MCPH1: variants seen among roughly 807,000 people sequenced by gnomAD.
MCPH1 encodes microcephalin 1.
In MCPH1, 104 loss-of-function variants were observed where a neutral mutation model predicts 84.5. The ratio of observed to expected loss-of-function variants is 1.23; its 90% CI spans 1.05 to 1.45. The LOEUF (loss-of-function observed/expected upper bound fraction) is 1.45. MCPH1 is among the 40% of genes most tolerant of loss of function. MCPH1 has a pLI of 0.00. For missense variants in MCPH1, 1,498 were observed against 1,005.7 expected, an observed-to-expected ratio of 1.49 and a Z score of -6.62; for synonymous variants, 514 against 366.8, an observed-to-expected ratio of 1.40 and a Z score of -4.58.
intron 12 of MCPH1, chr8:6,520,036 A>G: frequency 1.2e-6 from 2 of 1,600,952 alleles, no homozygotes; most frequent in Non-Finnish European, 1.7e-6. Flanking sequence ...GTTCATGAAA[A>G]GACAAAGACT....
intron 13 of MCPH1, among the ~76,000 whole-genome samples, chr8:6,641,312 C>G (rs1215138316): frequency 6.6e-6 from 1 of 152,142 alleles, no homozygotes; most frequent in African/African-American, 2.4e-5. Flanking sequence ...ACAAATGTGG[C>G]TGAATGACTT....
At chr8:6,551,105 G>T (rs1282994993) in intron 12 of MCPH1, among the ~76,000 whole-genome samples, 1 of 152,186 alleles carries the variant, frequency 6.6e-6, no homozygotes, top group Non-Finnish European at 1.5e-5. Flanking sequence ...ACCTTCCACG[G>T]CTCCTGGGCC....
chr8:6,612,609 G>T (rs372525071), intron 12 of MCPH1, among the ~76,000 whole-genome samples: 2 of 152,228 alleles, frequency 1.3e-5, no homozygotes, highest in Admixed American at 6.5e-5. Flanking sequence ...CGCTGGTTGC[G>T]GGCCTGCTCC....
Position 6,458,791 on chromosome 8 carries a change from C to G in MCPH1, c.1935+3539C>G, listed in dbSNP as rs549298689. On this transcript the variant is annotated intron_variant, in intron 9 of 13. Transcript: ENST00000344683. Reference sequence around the variant, plus strand: ...TCCTTAGTAGCTGGAACCACAGGCACCCGCCAGCACGCCTGGCTAATTTTT... The same window carrying G: ...TCCTTAGTAGCTGGAACCACAGGCAGCCGCCAGCACGCCTGGCTAATTTTT... Among the ~76,000 whole-genome samples the G allele has an allele frequency of 2.6e-5, 4 of 152,178 alleles. No individual in the cohort carries two copies. The East Asian group carries it at 7.8e-4, about 30-fold the overall frequency.
At chr8:6,490,109 T>G (rs1411852888) in intron 11 of MCPH1, among the ~76,000 whole-genome samples, 1 of 152,080 alleles carries the variant, frequency 6.6e-6, no homozygotes, top group African/African-American at 2.4e-5. Flanking sequence ...CTCCAGGACG[T>G]CAACTTGGTC....
intron 9 of MCPH1, among the ~76,000 whole-genome samples, chr8:6,458,105 C>G (rs1805892702): frequency 1.3e-5 from 2 of 152,164 alleles, no homozygotes; most frequent in African/African-American, 4.8e-5. Flanking sequence ...GAAGAAGTTT[C>G]ATTTCTTTAT....
At chr8:6,467,540 T>C (rs1807133073) in intron 9 of MCPH1, among the ~76,000 whole-genome samples, 1 of 152,186 alleles carries the variant, frequency 6.6e-6, no homozygotes, top group Non-Finnish European at 1.5e-5. Context: ...CGAGGGACCA[T>C]GGATAGGAAA....
intron 9 of MCPH1, among the ~76,000 whole-genome samples, chr8:6,468,078 T>C (rs1243862744): frequency 6.6e-6 from 1 of 152,186 alleles, no homozygotes. Flanking sequence ...GCCCTACACC[T>C]TAGCTTAAGC....
At chr8:6,505,239 A>AAT (rs3990064) in intron 12 of MCPH1, among the ~76,000 whole-genome samples, 929 of 60,702 alleles carry the variant, frequency 0.015, 162 homozygotes, top group African/African-American at 0.055. Flanking sequence ...GTATATATAG[A>AAT]ATATATATTC....
chr8:6,500,937 C>G (rs1812052083), intron 12 of MCPH1: 1 of 152,178 alleles, frequency 6.6e-6, no homozygotes, highest in African/African-American at 2.4e-5. Context: ...ATTAGCGTTT[C>G]CCTACCTAAG....
At position 6,491,069 on chromosome 8, in the gene MCPH1, T is replaced by G. The variant is rs1810514869; in HGVS notation, c.2137-8783T>G. Among the ~76,000 whole-genome samples the G allele has an allele frequency of 2.0e-5, 3 of 150,672 alleles. No homozygotes were observed. The South Asian group carries it at 6.2e-4, about 31-fold the overall frequency. On this transcript the variant is annotated intron_variant, in intron 11 of 13. Transcript: ENST00000344683. The stretch of plus-strand genomic sequence containing the variant: ...AAAATAAAATTTATCAAAAAAAATT[T>G]TTTTTTTACTTTTGAAGCATTGGTT...
intron 13 of MCPH1, among the ~76,000 whole-genome samples, chr8:6,639,635 T>A (rs933041641): frequency 2.0e-5 from 3 of 151,274 alleles, no homozygotes; most frequent in Non-Finnish European, 4.4e-5. Flanking sequence ...TGCACTCCAG[T>A]CTGGGCAATG....
At chr8:6,635,816 G>A (rs981084708) in intron 13 of MCPH1, among the ~76,000 whole-genome samples, 6 of 152,116 alleles carry the variant, frequency 3.9e-5, no homozygotes, top group East Asian at 1.9e-4. Flanking sequence ...GCCGTGTCCC[G>A]TAAGCTTTGA....
chr8:6,449,450 A>C (rs1009314337), intron 8 of MCPH1, among the ~76,000 whole-genome samples: 2 of 152,124 alleles, frequency 1.3e-5, no homozygotes, highest in Non-Finnish European at 2.9e-5. Flanking sequence ...CCTGACCAAC[A>C]TAGTGAAACC....
chr8:6,436,804 C>T (rs1036250608), intron 5 of MCPH1, among the ~76,000 whole-genome samples: 6 of 151,852 alleles, frequency 4.0e-5, no homozygotes, highest in Non-Finnish European at 7.4e-5. Flanking sequence ...CCTGTCTCTA[C>T]TAAAAATACA....
chr8:6,611,681 C>G (rs1830282418), intron 12 of MCPH1, among the ~76,000 whole-genome samples: 1 of 152,122 alleles, frequency 6.6e-6, no homozygotes. Context: ...TGCAGTGGCG[C>G]CATCTCAGCT....
intron 12 of MCPH1, chr8:6,508,835 C>T (rs771686299): frequency 7.9e-6 from 12 of 1,525,828 alleles, no homozygotes; most frequent in South Asian, 3.4e-5. Flanking sequence ...TTGTGGACAT[C>T]GTTACAAATC....
chr8:6,408,154 A>C (rs570955449), intron 1 of MCPH1, among the ~76,000 whole-genome samples: 7 of 152,216 alleles, frequency 4.6e-5, no homozygotes, highest in South Asian at 2.1e-4. Flanking sequence ...GTAAACTCTC[A>C]TGTATTGTAT....
Position 6,473,820 on chromosome 8 carries a change from G to A in MCPH1, c.1936-3774G>A, listed in dbSNP as rs939879540. On this transcript the variant is annotated intron_variant, in intron 9 of 13. Transcript: ENST00000344683. ...CAGAGAGATATCAGCAAGAGTGATT[G>A]TAAAGTAGCTAGCCTTATAAGTCAA... The A allele has an allele frequency of 4.7e-6, 6 of 1,280,638 alleles. No individual in the cohort carries two copies. The African/African-American group carries it at 9.0e-5, about 19-fold the overall frequency. 79.3% of individuals were successfully genotyped at this position (1,280,638 alleles called of 1,614,324 possible).
Sources: allele counts gnomAD v4.1 joint callset (sites outside exome capture counted in the v4.1 genomes callset), GRCh38; gene constraint gnomAD v4.1.1; transcripts MANE v1.5; gene names NCBI Gene and HGNC (gene_info 2026-07-23, HGNC 2026-07-21).